Variants in DAB1 observed in about 807,000 individuals in gnomAD.
DAB1 encodes the protein disabled homolog 1.
In DAB1, 15 loss-of-function variants were observed where a neutral mutation model predicts 64.6. The observed-to-expected ratio is 0.23, with a 90% CI of 0.16 to 0.36. DAB1 has a LOEUF of 0.36. Among genes scored for constraint, DAB1 ranks in the 10% least tolerant of loss-of-function variants. The pLI, the probability that DAB1 is intolerant of heterozygous loss-of-function variation, is 1.00. For synonymous variants in DAB1, 235 were observed against 251.9 expected, an observed-to-expected ratio of 0.93 and a Z score of 0.64; for missense variants, 596 against 706.7, an observed-to-expected ratio of 0.84 and a Z score of 1.78.
intron 3 of DAB1, among the ~76,000 whole-genome samples, chr1:58,433,569 G>GAC (rs1435079707): frequency 6.0e-5 from 4 of 66,824 alleles, no homozygotes; most frequent in Admixed American, 2.5e-4. Context: ...CCATGCATAA[G>GAC]AGAGAGAGAG....
At chr1:58,044,907 CAT>C (rs886855951) in intron 5 of DAB1, among the ~76,000 whole-genome samples, 3 of 152,058 alleles carry the variant, frequency 2.0e-5, no homozygotes, top group African/African-American at 4.8e-5. Flanking sequence ...TTCCTCATGA[CAT>C]GTGAGAAAAC....
At chr1:57,922,524 A>T (rs894649178) in intron 5 of DAB1, among the ~76,000 whole-genome samples, 1 of 152,162 alleles carries the variant, frequency 6.6e-6, no homozygotes, top group Non-Finnish European at 1.5e-5. Flanking sequence ...CTTTGCCCTG[A>T]GGAACCTCCA....
intron 6 of DAB1, among the ~76,000 whole-genome samples, chr1:57,805,485 G>C (rs1651318755): frequency 6.6e-6 from 1 of 152,236 alleles, no homozygotes. Context: ...ACTTAATGCT[G>C]TGAGGGAGGA....
At chr1:57,293,161 C>T (rs373181884) in intron 1 of DAB1, among the ~76,000 whole-genome samples, 6 of 152,150 alleles carry the variant, frequency 3.9e-5, no homozygotes, top group African/African-American at 1.4e-4. Flanking sequence ...ATGCACTTCC[C>T]CATCTTCCCA....
At chr1:57,930,017 T>C (rs1444174839) in intron 5 of DAB1, among the ~76,000 whole-genome samples, 2 of 152,210 alleles carry the variant, frequency 1.3e-5, no homozygotes, top group Non-Finnish European at 2.9e-5. Flanking sequence ...TGAAGCTTTA[T>C]AGTTGTGAAT....
intron 2 of DAB1, among the ~76,000 whole-genome samples, chr1:58,524,998 T>C (rs1646327507): frequency 6.6e-6 from 1 of 152,136 alleles, no homozygotes; most frequent in Non-Finnish European, 1.5e-5. Flanking sequence ...ACTATAAGAG[T>C]AGTACCATAG....
rs561585487 is a variant in DAB1, at chr1:57,926,998, G to C, written n.388-42836C>G. Among the ~76,000 whole-genome samples the C allele has an allele frequency of 1.4e-4, 22 of 152,248 alleles. No homozygotes were observed. The South Asian group carries it at 4.6e-3, about 32-fold the overall frequency. On this transcript the variant is annotated intron_variant and non_coding_transcript_variant, in intron 5 of 20. Transcript: ENST00000485760. ...AAGTGACAGGAGGTTATGAACTTGG[G>C]AACAAGGCAAGCTAGGTTCAAGTCC...
At chr1:57,437,813 C>T (rs1685752848) in intron 7 of DAB1, among the ~76,000 whole-genome samples, 2 of 152,136 alleles carry the variant, frequency 1.3e-5, no homozygotes, top group South Asian at 2.1e-4. Flanking sequence ...TCTATCCATG[C>T]CCCCAGTATG....
chr1:57,748,977 GC>G (rs1648422961), intron 6 of DAB1, among the ~76,000 whole-genome samples: 2 of 152,164 alleles, frequency 1.3e-5, no homozygotes, highest in Admixed American at 1.3e-4. Context: ...TTGGGAAATG[GC>G]TTTCAGCAAA....
rs12030826 is a variant in DAB1 at position 57,789,856 on chromosome 1, G to C, written n.551+94143C>G. 0.014 allele frequency among the ~76,000 whole-genome samples: 2,100 copies of C among 152,300 alleles called. 126 individuals carry two copies. In the East Asian group the frequency reaches 0.21, roughly 15 times the overall value. On this transcript the variant is annotated intron_variant and non_coding_transcript_variant, in intron 6 of 20. Transcript: ENST00000485760. ...GGCTATCTTGATTGCTGACCAAGAA[G>C]ATTTCTTGTCAGGAAAGGATTCTCA...
intron 3 of DAB1, among the ~76,000 whole-genome samples, chr1:58,441,930 C>T (rs1362539124): frequency 6.6e-6 from 1 of 152,102 alleles, no homozygotes; most frequent in South Asian, 2.1e-4. Context: ...TCCTGTCACA[C>T]GAAAGAGACC....
chr1:57,031,637 C>T (rs1343969005), intron 9 of DAB1, among the ~76,000 whole-genome samples: 1 of 152,216 alleles, frequency 6.6e-6, no homozygotes, highest in East Asian at 1.9e-4. Context: ...CACCCACCAG[C>T]ATCTTGTTCA....
At chr1:57,223,890 G>T (rs1402104890) in intron 2 of DAB1, among the ~76,000 whole-genome samples, 1 of 152,174 alleles carries the variant, frequency 6.6e-6, no homozygotes, top group East Asian at 1.9e-4. Flanking sequence ...TGCTTCTGCA[G>T]GCTGGACAGT....
At chr1:57,272,975 TC>T (rs1002122853) in intron 2 of DAB1, among the ~76,000 whole-genome samples, 1 of 151,880 alleles carries the variant, frequency 6.6e-6, no homozygotes, top group Non-Finnish European at 1.5e-5. Flanking sequence ...TGCTTTCTGT[TC>T]CCCCCCATTT....
At chr1:57,316,091 G>A (rs1010370271) in intron 1 of DAB1, among the ~76,000 whole-genome samples, 4 of 152,156 alleles carry the variant, frequency 2.6e-5, no homozygotes, top group Non-Finnish European at 5.9e-5. Flanking sequence ...CTATTGTCCA[G>A]TCCTAAACCA....
intron 7 of DAB1, among the ~76,000 whole-genome samples, chr1:57,643,322 C>A (rs1167771741): frequency 1.3e-5 from 2 of 152,182 alleles, no homozygotes; most frequent in African/African-American, 2.4e-5. Flanking sequence ...TTATATGATT[C>A]ATTCACACAG....
At chr1:57,675,405 T>C (rs141486521) in intron 6 of DAB1, among the ~76,000 whole-genome samples, 19 of 152,310 alleles carry the variant, frequency 1.2e-4, no homozygotes, top group African/African-American at 4.1e-4. Context: ...AAGTGTCAGC[T>C]TAATCACTCC....
chr1:57,948,523 C>A (rs564135675), intron 5 of DAB1, among the ~76,000 whole-genome samples: 4 of 152,302 alleles, frequency 2.6e-5, no homozygotes, highest in South Asian at 4.1e-4. Flanking sequence ...GTAGCCAGCC[C>A]TCCCCCTCAC....
chr1:58,313,906 T>G (rs1379162788), intron 4 of DAB1, among the ~76,000 whole-genome samples: 2 of 149,004 alleles, frequency 1.3e-5, no homozygotes, highest in Admixed American at 1.3e-4. Flanking sequence ...CCTACTCACC[T>G]CCATCCCAAG....
Sources: allele counts gnomAD v4.1 joint callset (sites outside exome capture counted in the v4.1 genomes callset), GRCh38; gene constraint gnomAD v4.1.1; transcripts MANE v1.5; gene names NCBI Gene and HGNC (gene_info 2026-07-23, HGNC 2026-07-21).